The following DVL3 variants were observed in gnomAD, a reference collection of about 807,000 sequenced individuals.
DVL3 encodes the protein segment polarity protein dishevelled homolog DVL-3.
DVL3 carries 27 observed loss-of-function variants against 67.4 expected under a neutral mutation model. The observed-to-expected ratio is 0.40, with a 90% confidence interval of 0.30 to 0.55. The LOEUF (loss-of-function observed/expected upper bound fraction) is 0.55. DVL3 is among the 20% of genes least tolerant of loss of function. The pLI is 0.46. For missense variants in DVL3, 819 were observed against 1,021.5 expected (o/e 0.80, Z 2.70); for synonymous variants, 369 against 396.8 (o/e 0.93, Z 0.83).
rs756822892 is a variant in DVL3 at position 184,170,279 on chromosome 3, G to T, written c.1715-40G>T. 9 of 1,591,974 alleles carry T rather than the reference G, an allele frequency of 5.7e-6. No homozygotes were observed. Among genetic ancestry groups the T allele is most frequent in the Non-Finnish European group, 7.7e-6 (9 of 1,168,116 alleles). ...GGTGGGCCCCAGGCTTCCCCCGCCC[G>T]CTCAGCCTGCCCCACCCCGGCCCTG... On this transcript the variant is annotated intron_variant, in intron 14 of 14. Coordinates refer to ENST00000313143, the MANE Select transcript of DVL3 (RefSeq NM_004423.4). This position sits in a 1 kb window ranked among gnomAD's most constrained non-coding sequence, Gnocchi z 6.5.
At position 184,163,789 on chromosome 3, in the gene DVL3, A is replaced by G; in HGVS notation, c.231+63A>G. 2 of 1,430,940 alleles carry G rather than the reference A, an allele frequency of 1.4e-6. No individual in the cohort carries two copies. The highest frequency in any genetic ancestry group is 1.4e-5 in the African/African-American group (1 of 71,184). 88.6% of individuals were successfully genotyped at this position (1,430,940 alleles called of 1,614,324 possible). ...GTGCTGGGCTGGACGAGGGAAAGGC[A>G]TCACTGAGATTGTAGCTGGTGGTTT... On this transcript the variant is annotated intron_variant, in intron 2 of 14. Coordinates refer to ENST00000313143, the MANE Select transcript of DVL3 (RefSeq NM_004423.4). The surrounding 1 kb of genome is among the most constrained non-coding windows in gnomAD (Gnocchi z 4.5).
Position 184,164,228 on chromosome 3 carries a change from C to T in DVL3, c.232-39C>T. ...GTGAACTATCCCCTTCTCCTTGATGCTCCTGTAACATACTACTCACTCAGT... is the reference window on the plus strand; with the variant it reads ...GTGAACTATCCCCTTCTCCTTGATGTTCCTGTAACATACTACTCACTCAGT... On this transcript the variant is annotated intron_variant, in intron 2 of 14. Coordinates refer to ENST00000313143, the MANE Select transcript of DVL3 (RefSeq NM_004423.4). This position sits in a 1 kb window ranked among gnomAD's most constrained non-coding sequence, Gnocchi z 5.3. 1 of 1,603,804 alleles carries T rather than the reference C, an allele frequency of 6.2e-7. No homozygotes were observed. The highest frequency in any genetic ancestry group is 8.5e-7 in the Non-Finnish European group (1 of 1,175,094).
rs1257448849 is a variant in DVL3, at chr3:184,166,521, G to A, written c.979G>A (p.Gly327Arg). The A allele has an allele frequency of 6.2e-7, 1 of 1,614,164 alleles. No homozygotes were observed. The highest frequency in any genetic ancestry group is 1.7e-5 in the Admixed American group (1 of 60,022). Reference sequence around the variant, plus strand: ...ACTGCGGGAGATTGTGCACAAACCGGGGTATGGATGGAATGGGGCACTGGG... The same window carrying A: ...ACTGCGGGAGATTGTGCACAAACCGAGGTATGGATGGAATGGGGCACTGGG... ...RVLREIVHKP[G>R]PITLTVAKCW... The change falls in exon 9 of 15, where the codon GGG (glycine) becomes AGG (arginine). Residue 327 changes from glycine (G) to arginine (R), a missense_variant and splice_region_variant. By Grantham distance (125) the Gly-to-Arg change is moderately radical (BLOSUM62 -2). This residue lies in a region of DVL3 where 385 missense variants were observed against 486.8 expected (regional missense o/e 0.79). Coordinates refer to ENST00000313143, the MANE Select transcript of DVL3 (RefSeq NM_004423.4). The surrounding 1 kb of genome is among the most constrained non-coding windows in gnomAD (Gnocchi z 6.7).
chr3:184,158,086 G>A (rs1714258046), intron 1 of DVL3, among the ~76,000 whole-genome samples: 1 of 152,162 alleles, frequency 6.6e-6, no homozygotes, highest in Non-Finnish European at 1.5e-5. Flanking sequence ...TGTAATCTCA[G>A]CAATTTGGGA....
In DVL3 at chr3:184,170,085, C is replaced by G. The variant is rs189465517; in HGVS notation, c.1578C>G (p.His526Gln). 1 of 1,614,036 alleles carries G rather than the reference C, an allele frequency of 6.2e-7. No homozygotes were observed. Among genetic ancestry groups the G allele is most frequent in the Non-Finnish European group, 8.5e-7 (1 of 1,179,964 alleles). ...AGGACACACTGGCCCCTTTGCCGCA[C>G]CCGGGGGCCGCCCCTTGGCCCATGG... The part of the protein sequence containing the change: ...SDQDTLAPLP[H>Q]PGAAPWPMAF... Residue 526 changes from histidine to glutamine, a missense_variant, in exon 14 of 15, where the codon CAC (histidine) becomes CAG (glutamine). Physicochemically the swap from His to Gln is conservative, Grantham distance 24 (BLOSUM62 0). Coordinates refer to ENST00000313143, the MANE Select transcript of DVL3 (RefSeq NM_004423.4). The surrounding 1 kb of genome is among the most constrained non-coding windows in gnomAD (Gnocchi z 6.5).
rs1714873861 is a variant in DVL3, at chr3:184,172,333, G to C, written c.*1578G>C. Reference sequence around the variant, plus strand: ...TGCTATAAATTCTCCTGGCTCTCCTGGGCTTCCATATTTTGGGGGCTGGGG... The same window carrying C: ...TGCTATAAATTCTCCTGGCTCTCCTCGGCTTCCATATTTTGGGGGCTGGGG... On this transcript the variant is annotated 3_prime_UTR_variant, in exon 15 of 15. Coordinates refer to ENST00000313143, the MANE Select transcript of DVL3 (RefSeq NM_004423.4). 6.6e-6 allele frequency: 1 copy of C among 152,240 alleles called. No individual in the cohort carries two copies. The highest frequency in any genetic ancestry group is 1.5e-5 in the Non-Finnish European group (1 of 68,062). 9.4% of individuals were successfully genotyped at this position (152,240 alleles called of 1,614,324 possible). A position where few individuals can be genotyped will look rare whatever the true frequency, so the allele number is the denominator to read the frequency against.
At chr3:184,162,560 CTT>C (rs35869796) in intron 1 of DVL3, among the ~76,000 whole-genome samples, 14 of 123,494 alleles carry the variant, frequency 1.1e-4, no homozygotes, top group Admixed American at 3.6e-4. Context: ...TTTTTCTTTT[CTT>C]TTTTTTTTTT....
intron 13 of DVL3, 130 bp from the exon 14 acceptor site, chr3:184,169,876 C>T (rs2109023594): frequency 2.5e-6 from 2 of 808,962 alleles, no homozygotes; most frequent in East Asian, 5.8e-5. Flanking sequence ...AAGGGGGGAG[C>T]TCTCTGGGCT....
chr3:184,161,733 A>C (rs943347749), intron 1 of DVL3, among the ~76,000 whole-genome samples: 2 of 152,156 alleles, frequency 1.3e-5, no homozygotes, highest in African/African-American at 2.4e-5. Flanking sequence ...CCCACTCTCC[A>C]CATAGACCCA....
chr3:184,166,783 G>T lies in DVL3; in HGVS notation c.1049-43G>T, dbSNP rs767621261. On this transcript the variant is annotated intron_variant, in intron 10 of 14. Coordinates refer to ENST00000313143, the MANE Select transcript of DVL3 (RefSeq NM_004423.4). This position sits in a 1 kb window ranked among gnomAD's most constrained non-coding sequence, Gnocchi z 6.7. ...CATATCTATCCTGTTGGGCCCAGCA[G>T]TGGGTGGGGTGGGTAGCCCATGACT... 6.2e-7 allele frequency: 1 copy of T among 1,613,632 alleles called. No homozygotes were observed. Among genetic ancestry groups the T allele is most frequent in the South Asian group, 1.1e-5 (1 of 91,054 alleles).
In DVL3 at chr3:184,165,990, T is replaced by G; in HGVS notation, c.764-136T>G. 4 of 1,052,968 alleles carry G rather than the reference T, an allele frequency of 3.8e-6. No individual in the cohort carries two copies. The highest frequency in any genetic ancestry group is 5.5e-6 in the Non-Finnish European group (4 of 729,444). 65.2% of individuals were successfully genotyped at this position (1,052,968 alleles called of 1,614,324 possible). On this transcript the variant is annotated intron_variant, in intron 7 of 14. Transcript: ENST00000313143. The surrounding 1 kb of genome is among the most constrained non-coding windows in gnomAD (Gnocchi z 4.1). Reference sequence around the variant, plus strand: ...AGCAAGGGTTCCATGGAAGCATGTTTGAGCATGCTGAGTGCAGTGCCTGAT... The same window carrying G: ...AGCAAGGGTTCCATGGAAGCATGTTGGAGCATGCTGAGTGCAGTGCCTGAT...
chr3:184,170,945 A>T lies in DVL3; in HGVS notation c.*190A>T, dbSNP rs910937478. The T allele has an allele frequency of 3.3e-6, 5 of 1,530,038 alleles. No individual in the cohort carries two copies. Among genetic ancestry groups the T allele is most frequent in the Non-Finnish European group, 4.4e-6 (5 of 1,140,620 alleles). The allele number at this position is 1,530,038 out of a possible 1,614,324, so 94.8% of individuals were successfully genotyped here. A position where few individuals can be genotyped will look rare whatever the true frequency, so the allele number is the denominator to read the frequency against. On this transcript the variant is annotated 3_prime_UTR_variant, in exon 15 of 15. Coordinates refer to ENST00000313143, the MANE Select transcript of DVL3 (RefSeq NM_004423.4). The surrounding 1 kb of genome is among the most constrained non-coding windows in gnomAD (Gnocchi z 6.5). ...CTACCGATTGGCTCTGCAGCCCCCT[A>T]ACCTGCCTCTGGCCCCAGTTCGTTT... is the stretch of plus-strand genomic sequence containing the variant.
intron 1 of DVL3, among the ~76,000 whole-genome samples, chr3:184,161,969 T>A (rs1714396266): frequency 6.6e-6 from 1 of 152,088 alleles, no homozygotes; most frequent in Non-Finnish European, 1.5e-5. Context: ...GAAGATAAGG[T>A]GGTGTAATGG....
rs756531429 is a variant in DVL3 at position 184,170,257 on chromosome 3, G to A, written c.1714+36G>A. ...GGGGCCGTGGAGGAAGGCTATAGGT[G>A]GGCCCCAGGCTTCCCCCGCCCGCTC... On this transcript the variant is annotated intron_variant, in intron 14 of 14. Transcript: ENST00000313143. The surrounding 1 kb of genome is among the most constrained non-coding windows in gnomAD (Gnocchi z 6.5). 34 of 1,606,550 alleles carry A rather than the reference G, an allele frequency of 2.1e-5. No homozygotes were observed. Among genetic ancestry groups the A allele is most frequent in the Non-Finnish European group, 2.8e-5 (33 of 1,176,370 alleles).
chr3:184,164,846 G>T lies in DVL3; in HGVS notation c.514G>T (p.Gly172Cys). The T allele has an allele frequency of 6.2e-7, 1 of 1,614,196 alleles. No homozygotes were observed. The change falls in exon 5 of 15, where the codon GGT becomes TGT. Residue 172 changes from glycine to cysteine, a missense_variant. Physicochemically the swap from Gly to Cys is radical, Grantham distance 159. This residue lies in a region of DVL3 where 385 missense variants were observed against 486.8 expected (regional missense o/e 0.79). Transcript: ENST00000313143. The surrounding 1 kb of genome is among the most constrained non-coding windows in gnomAD (Gnocchi z 5.3). ...AKGERRREPG[G>C]YDSSSTLMSS... ...GGGGGAACGGCGGCGAGAACCAGGG[G>T]GTTATGATAGCTCATCCACCCTTAT...
At position 184,165,300 on chromosome 3, in the gene DVL3, C is replaced by T; in HGVS notation, c.693+94C>T. 6.5e-7 allele frequency: 1 copy of T among 1,535,848 alleles called. No homozygotes were observed. Among genetic ancestry groups the T allele is most frequent in the Non-Finnish European group, 8.9e-7 (1 of 1,125,220 alleles). On this transcript the variant is annotated intron_variant, in intron 6 of 14. Transcript: ENST00000313143. The surrounding 1 kb of genome is among the most constrained non-coding windows in gnomAD (Gnocchi z 4.1). ...TTGTTCTTCCTTAGATCCCATCCCCCTAGTGCAGTGTTGAGAACCTTGGGG... is the reference window on the plus strand; with the variant it reads ...TTGTTCTTCCTTAGATCCCATCCCCTTAGTGCAGTGTTGAGAACCTTGGGG...
At position 184,165,215 on chromosome 3, in the gene DVL3, T is replaced by A. The variant is rs778613714; in HGVS notation, c.693+9T>A. 6 of 1,579,992 alleles carry A rather than the reference T, an allele frequency of 3.8e-6. No individual in the cohort carries two copies. The East Asian group carries it at 1.3e-4, about 35-fold the overall frequency. ...TTTCTCGGATTGAGCGGGTATGGGG[T>A]CTGGGAGGCTAGGGATGGGTGGAGG... is the stretch of plus-strand genomic sequence containing the variant. On this transcript the variant is annotated intron_variant, in intron 6 of 14. Coordinates refer to ENST00000313143, the MANE Select transcript of DVL3 (RefSeq NM_004423.4). The surrounding 1 kb of genome is among the most constrained non-coding windows in gnomAD (Gnocchi z 4.1).
rs1577050459 is a variant in DVL3 at position 184,167,080 on chromosome 3, G to T, written c.1198+105G>T. ...TGCTTGAGCATCAGAGAGGGCTGGA[G>T]ATGGGGCTCGGCTCATTCCAGCAAC... On this transcript the variant is annotated intron_variant, in intron 11 of 14. Transcript: ENST00000313143. This position sits in a 1 kb window ranked among gnomAD's most constrained non-coding sequence, Gnocchi z 4.6. 7.0e-7 allele frequency: 1 copy of T among 1,418,662 alleles called. No individual in the cohort carries two copies. Among genetic ancestry groups the T allele is most frequent in the East Asian group, 2.3e-5 (1 of 43,646 alleles). 87.9% of individuals were successfully genotyped at this position (1,418,662 alleles called of 1,614,324 possible).
intron 13 of DVL3, among the ~76,000 whole-genome samples, chr3:184,168,689 G>A (rs764665171): frequency 6.6e-6 from 1 of 152,218 alleles, no homozygotes; most frequent in Non-Finnish European, 1.5e-5. Flanking sequence ...GGGCTGGGAG[G>A]AATGTCTCAT....
Sources: gnomAD v4.1 joint callset for allele counts (sites outside exome capture counted in the v4.1 genomes callset) on GRCh38, gnomAD v4.1.1 for gene constraint, gnomAD v4.1.1 regional missense constraint, Gnocchi (gnomAD v3.1) non-coding constraint, MANE v1.5 for transcripts, NCBI Gene and HGNC (gene_info 2026-07-23, HGNC 2026-07-21) for gene names.